The following SLC36A3 variants were observed in gnomAD, a reference collection of about 807,000 sequenced individuals.
SLC36A3 encodes the protein solute carrier family 36 member 3, also known as proton-coupled amino acid transporter 3.
Under a neutral mutation model 44.3 loss-of-function variants are expected in SLC36A3, and 35 were observed. That is an observed-to-expected ratio of 0.79 (90% CI 0.60 to 1.05). SLC36A3 has a LOEUF of 1.05. Ranked by LOEUF, SLC36A3 falls within the 50% of genes least tolerant of loss-of-function variation. SLC36A3 has a pLI of 0.00. For synonymous variants in SLC36A3, 211 were observed against 227.6 expected (o/e 0.93, Z 0.66); for missense variants, 540 against 578.7 (o/e 0.93, Z 0.69).
At chr5:151,299,767 C>T (rs945417924) in intron 1 of SLC36A3, among the ~76,000 whole-genome samples, 3 of 152,180 alleles carry the variant, frequency 2.0e-5, no homozygotes, top group African/African-American at 7.2e-5. Flanking sequence ...TCCTGTTTCA[C>T]TGCCAAAAAA....
chr5:151,299,964 T>C (rs1412868418), intron 1 of SLC36A3, among the ~76,000 whole-genome samples: 1 of 152,184 alleles, frequency 6.6e-6, no homozygotes, highest in African/African-American at 2.4e-5. Flanking sequence ...TGCTCATTTG[T>C]TAGAAAGCGC....
chr5:151,284,350 A>G lies in SLC36A3; in HGVS notation c.808-140T>C, dbSNP rs1379713231. 7.2e-6 allele frequency: 6 copies of G among 828,102 alleles called. No individual in the cohort carries two copies. The African/African-American group carries it at 1.0e-4, about 14-fold the overall frequency. 51.3% of individuals were successfully genotyped at this position (828,102 alleles called of 1,614,324 possible). A position where few individuals can be genotyped will look rare whatever the true frequency, so the allele number is the denominator to read the frequency against. On this transcript the variant is annotated intron_variant, in intron 7 of 9. Transcript: ENST00000335230. ...GAAAGGGGACTCTCCACATGGCCACACTCCTTTCATTTTCTCTCATGCTTT... is the reference window on the plus strand; with the variant it reads ...GAAAGGGGACTCTCCACATGGCCACGCTCCTTTCATTTTCTCTCATGCTTT...
Position 151,290,207 on chromosome 5 carries a change from T to C in SLC36A3, c.405-1737A>G, listed in dbSNP as rs552732220. Among the ~76,000 whole-genome samples, 8 of 152,192 alleles carry C rather than the reference T, an allele frequency of 5.3e-5. No homozygotes were observed. In the East Asian group the frequency reaches 5.8e-4, roughly 11 times the overall value. ...CTAAAAGAACAAAAATATGTTCCTT[T>C]ACTTAGATTATAATGTTTAGATAAG... On this transcript the variant is annotated intron_variant, in intron 4 of 9. Transcript: ENST00000335230.
chr5:151,301,068 A>C (rs1261914758), intron 1 of SLC36A3, among the ~76,000 whole-genome samples: 1 of 152,200 alleles, frequency 6.6e-6, no homozygotes, highest in Non-Finnish European at 1.5e-5. Context: ...TGCCTTTGCA[A>C]AATTATAACT....
At chr5:151,298,993 A>G (rs1755057417) in intron 1 of SLC36A3, among the ~76,000 whole-genome samples, 2 of 152,120 alleles carry the variant, frequency 1.3e-5, no homozygotes, top group Admixed American at 1.3e-4. Context: ...GATTTCTTTC[A>G]TGAGTTATTC....
Position 151,280,431 on chromosome 5 carries a change from G to A in SLC36A3, c.1144+583C>T, listed in dbSNP as rs183042299. On this transcript the variant is annotated intron_variant, in intron 9 of 9. Coordinates refer to ENST00000335230, the MANE Select transcript of SLC36A3 (RefSeq NM_181774.4). ...ATAGCACCACTGCACTCCAGTCTGG[G>A]CAACAGAGCGAGACTCTGTCTCAAA... Among the ~76,000 whole-genome samples the A allele has an allele frequency of 3.7e-3, 560 of 152,300 alleles. 7 individuals carry two copies. The highest frequency in any genetic ancestry group is 6.1e-3 in the Non-Finnish European group (418 of 68,020).
At chr5:151,296,042 C>T in intron 3 of SLC36A3, 138 bp downstream of exon 3, 1 of 777,700 alleles carries the variant, frequency 1.3e-6, no homozygotes. Context: ...TCATGCTCTC[C>T]TTGCCTTCAT....
Position 151,277,478 on chromosome 5 carries a change from C to G in SLC36A3, c.1328G>C (p.Cys443Ser). 2 of 1,614,162 alleles carry G rather than the reference C, an allele frequency of 1.2e-6. No homozygotes were observed. The highest frequency in any genetic ancestry group is 2.2e-5 in the South Asian group (2 of 91,080). Reference sequence around the variant, plus strand: ...GAGGGCTTGGTATGTCCCAAATATACACCCTAAAAGGCCCACGATGCTAAT... The same window carrying G: ...GAGGGCTTGGTATGTCCCAAATATAGACCCTAAAAGGCCCACGATGCTAAT... ...IMISIVGLLG[C>S]IFGTYQALYE... The change falls in exon 10 of 10, where the codon TGT becomes TCT. Residue 443 changes from cysteine (C) to serine (S), a missense_variant. Coordinates refer to ENST00000335230, the MANE Select transcript of SLC36A3 (RefSeq NM_181774.4).
At chr5:151,299,256 CTCTCTCTCTATATATATATATA>C (rs1468166122) in intron 1 of SLC36A3, among the ~76,000 whole-genome samples, 40 of 76,596 alleles carry the variant, frequency 5.2e-4, no homozygotes, top group African/African-American at 1.9e-3. Context: ...CTCTCTCTCT[CTCTCTCTCTATATATATATATA>C]TATATATATA....
chr5:151,303,133 C>A, intron 1 of SLC36A3, 94 bp downstream of exon 1: 1 of 1,419,914 alleles, frequency 7.0e-7, no homozygotes, highest in Middle Eastern at 2.3e-4. Context: ...ATGGAATAAG[C>A]GTGTTAAGGA....
intron 8 of SLC36A3, among the ~76,000 whole-genome samples, chr5:151,282,992 C>G (rs1754386756): frequency 6.6e-6 from 1 of 151,804 alleles, no homozygotes; most frequent in East Asian, 1.9e-4. Flanking sequence ...TCAAGCAATT[C>G]TTCTGCCTCA....
chr5:151,278,525 A>G (rs1261097194), intron 9 of SLC36A3, among the ~76,000 whole-genome samples: 1 of 152,182 alleles, frequency 6.6e-6, no homozygotes, highest in African/African-American at 2.4e-5. Flanking sequence ...ATAATTCAAT[A>G]TGTTTATATA....
At chr5:151,282,818 G>C (rs997972590) in intron 8 of SLC36A3, among the ~76,000 whole-genome samples, 1 of 151,942 alleles carries the variant, frequency 6.6e-6, no homozygotes, top group Non-Finnish European at 1.5e-5. Context: ...ACAGTGTGTC[G>C]ATGCATGCAT....
Position 151,286,763 on chromosome 5 carries a change from A to G in SLC36A3, c.708+483T>C, listed in dbSNP as rs79287944. On this transcript the variant is annotated intron_variant, in intron 6 of 9. Transcript: ENST00000335230. ...TCCAAAATAGTATTGCGAAGGTTCA[A>G]TAAGTTAATGTATGTAAATAATTTG... Among the ~76,000 whole-genome samples, 459 of 152,332 alleles carry G rather than the reference A, an allele frequency of 3.0e-3. 4 individuals are homozygous for G. Among genetic ancestry groups the G allele is most frequent in the African/African-American group, 0.011 (443 of 41,588 alleles).
In SLC36A3 at chr5:151,282,111, GTTTTTTTTTTTTTTTT is replaced by G. The variant is rs70976011; in HGVS notation, c.975-944_975-929del. Among the ~76,000 whole-genome samples the G allele has an allele frequency of 7.3e-3, 411 of 56,156 alleles. 7 individuals are homozygous for G. The highest frequency in any genetic ancestry group is 0.027 in the African/African-American group (396 of 14,790). The allele number at this position is 56,156 out of a possible 152,430, so 36.8% of individuals were successfully genotyped here. A position where few individuals can be genotyped will look rare whatever the true frequency, so the allele number is the denominator to read the frequency against. On this transcript the variant is annotated intron_variant, in intron 8 of 9. Coordinates refer to ENST00000335230, the MANE Select transcript of SLC36A3 (RefSeq NM_181774.4). ...CCCAATATTTCTTTTCTTTTTCTTT[GTTTTTTTTTTTTTTTT>G]TTTTTTTTTTGAGACGGAGTTTCGC...
intron 9 of SLC36A3, among the ~76,000 whole-genome samples, 165 bp downstream of exon 9, chr5:151,280,849 G>T (rs968205363): frequency 6.6e-6 from 1 of 152,202 alleles, no homozygotes; most frequent in Non-Finnish European, 1.5e-5. Flanking sequence ...TGGTAATTCT[G>T]TTAAGCCCTT....
chr5:151,303,435 C>G lies in SLC36A3; in HGVS notation c.-81G>C. 2.0e-6 allele frequency: 3 copies of G among 1,476,844 alleles called. No individual in the cohort carries two copies. The highest frequency in any genetic ancestry group is 2.8e-6 in the Non-Finnish European group (3 of 1,090,286). 91.5% of individuals were successfully genotyped at this position (1,476,844 alleles called of 1,614,324 possible). A position where few individuals can be genotyped will look rare whatever the true frequency, so the allele number is the denominator to read the frequency against. Reference sequence around the variant, plus strand: ...CTGATGGGTCTTTCTCCAGAGAAACCATGGCTGCTGACCTGAGATGCTGGC... The same window carrying G: ...CTGATGGGTCTTTCTCCAGAGAAACGATGGCTGCTGACCTGAGATGCTGGC... On this transcript the variant is annotated 5_prime_UTR_variant, in exon 1 of 10. An upstream start codon of the reference 5' UTR is lost. Coordinates refer to ENST00000335230, the MANE Select transcript of SLC36A3 (RefSeq NM_181774.4).
chr5:151,303,301 T>TC lies in SLC36A3; in HGVS notation c.53dup (p.Pro19ThrfsTer10). 5 of 1,614,054 alleles carry TC rather than the reference T, an allele frequency of 3.1e-6. No individual in the cohort carries two copies. Among genetic ancestry groups the TC allele is most frequent in the Non-Finnish European group, 4.2e-6 (5 of 1,179,990 alleles). ...TGCTGCTCTCTGAGGGTGACTGAGG[T>TC]CCGTTGTCCAAGGAGTTCAGCTCAC... On this transcript the variant is annotated frameshift_variant, in exon 1 of 10. Transcript: ENST00000335230. LOFTEE classifies it high-confidence loss of function.
intron 4 of SLC36A3, chr5:151,288,922 G>GGT (rs1754653584): frequency 6.6e-6 from 1 of 152,456 alleles, no homozygotes. Context: ...AGCCAGGTGT[G>GGT]GTGGCAGGCA....
Sources: allele counts gnomAD v4.1 joint callset (sites outside exome capture counted in the v4.1 genomes callset), GRCh38; gene constraint gnomAD v4.1.1; transcripts MANE v1.5; gene names NCBI Gene and HGNC (gene_info 2026-07-23, HGNC 2026-07-21).